MDFIC: variants seen among roughly 807,000 people sequenced by gnomAD.
The protein encoded by MDFIC is myoD family inhibitor domain-containing protein.
MDFIC carries 17 observed loss-of-function variants against 23.2 expected under a neutral mutation model. The observed-to-expected ratio is 0.73, with a 90% CI of 0.50 to 1.10. The LOEUF is 1.10. Among genes scored for constraint, MDFIC ranks in the 50% least tolerant of loss-of-function variants. The probability of loss-of-function intolerance (pLI) is 0.00; values close to 1 mark genes in which losing one functional copy is unlikely to be tolerated. For missense variants in MDFIC, 356 were observed against 316.6 expected (o/e 1.12, Z -0.95); for synonymous variants, 120 against 115.2 (o/e 1.04, Z -0.27).
chr7:114,991,269 A>G (rs981703358), intron 4 of MDFIC, among the ~76,000 whole-genome samples: 8 of 152,062 alleles, frequency 5.3e-5, no homozygotes, highest in African/African-American at 1.7e-4. Context: ...AGATGAGTAG[A>G]TTGCAAAAAT....
chr7:114,933,862 A>G (rs1661933479), intron 2 of MDFIC: 1 of 152,202 alleles, frequency 6.6e-6, no homozygotes, highest in Non-Finnish European at 1.5e-5. Context: ...GCAAAATGTG[A>G]TGAATCAGTG....
At chr7:114,953,401 C>T (rs1398791733) in intron 3 of MDFIC, among the ~76,000 whole-genome samples, 1 of 152,120 alleles carries the variant, frequency 6.6e-6, no homozygotes, top group Non-Finnish European at 1.5e-5. Context: ...TGTGTTTGGA[C>T]TAATTCAAAG....
chr7:114,994,541 C>T (rs1247896080), intron 4 of MDFIC, among the ~76,000 whole-genome samples: 5 of 152,136 alleles, frequency 3.3e-5, no homozygotes, highest in African/African-American at 1.2e-4. Flanking sequence ...TTAGGGCAGG[C>T]CTGGTGGTGA....
intron 3 of MDFIC, among the ~76,000 whole-genome samples, chr7:114,968,327 G>C (rs1793143343): frequency 6.6e-6 from 1 of 152,278 alleles, no homozygotes; most frequent in Non-Finnish European, 1.5e-5. Context: ...AAGCAAATGA[G>C]AATGAGAAAA....
At chr7:114,986,909 T>C (rs924420552) in intron 4 of MDFIC, among the ~76,000 whole-genome samples, 1 of 152,232 alleles carries the variant, frequency 6.6e-6, no homozygotes, top group Admixed American at 6.5e-5. Flanking sequence ...ATGTTTAGCC[T>C]ACAGCCTAGT....
chr7:114,970,224 G>T (rs752563890), intron 3 of MDFIC, among the ~76,000 whole-genome samples: 1 of 152,156 alleles, frequency 6.6e-6, no homozygotes, highest in Non-Finnish European at 1.5e-5. Flanking sequence ...CTGAGAAGGG[G>T]TTCAGGGAGG....
At chr7:114,941,443 G>A (rs1435031374) in intron 2 of MDFIC, among the ~76,000 whole-genome samples, 1 of 152,154 alleles carries the variant, frequency 6.6e-6, no homozygotes, top group Admixed American at 6.5e-5. Flanking sequence ...GTCTGCTTTT[G>A]GAGTTTGCCC....
In MDFIC at chr7:114,943,824, C is replaced by T. The variant is rs117344411; in HGVS notation, c.217+1427C>T. On this transcript the variant is annotated intron_variant, in intron 3 of 4. Coordinates refer to ENST00000393486, the MANE Select transcript of MDFIC (RefSeq NM_001166345.3). ...CAAAATGGTTTTCTCACTTTTTTTTCGGTGGTAACAATTTTAAGTGTGTGC... is the reference window on the plus strand; with the variant it reads ...CAAAATGGTTTTCTCACTTTTTTTTTGGTGGTAACAATTTTAAGTGTGTGC... 4.6e-5 allele frequency among the ~76,000 whole-genome samples: 7 copies of T among 151,794 alleles called. No individual in the cohort carries two copies. In the East Asian group the frequency reaches 7.7e-4, roughly 17 times the overall value.
chr7:115,016,189 C>T lies in MDFIC; in HGVS notation c.*254C>T, dbSNP rs1791791614. ...TAACTTAGGGACATTTTGACACCCC[C>T]CTTCCCAAATGTTAAATGCCTTCTC... is the stretch of plus-strand genomic sequence containing the variant. On this transcript the variant is annotated 3_prime_UTR_variant, in exon 5 of 5. Transcript: ENST00000393486. 4.9e-6 allele frequency: 2 copies of T among 405,024 alleles called. No individual in the cohort carries two copies. The highest frequency in any genetic ancestry group is 4.7e-5 in the East Asian group (1 of 21,098). 25.1% of individuals were successfully genotyped at this position (405,024 alleles called of 1,614,324 possible). A position where few individuals can be genotyped will look rare whatever the true frequency, so the allele number is the denominator to read the frequency against.
chr7:114,937,303 G>T (rs1467836972), intron 2 of MDFIC, among the ~76,000 whole-genome samples: 1 of 152,148 alleles, frequency 6.6e-6, no homozygotes, highest in Non-Finnish European at 1.5e-5. Flanking sequence ...AGGACATATT[G>T]TATTTAAATT....
rs1399817582 is a variant in MDFIC, at chr7:114,966,956, A to C, written c.218-12550A>C. Among the ~76,000 whole-genome samples, 3 of 152,206 alleles carry C rather than the reference A, an allele frequency of 2.0e-5. No homozygotes were observed. The East Asian group carries it at 5.8e-4, about 29-fold the overall frequency. On this transcript the variant is annotated intron_variant, in intron 3 of 4. Coordinates refer to ENST00000393486, the MANE Select transcript of MDFIC (RefSeq NM_001166345.3). The stretch of plus-strand genomic sequence containing the variant: ...GAAGGTGCTAATATTCAGTCATTCA[A>C]AAAGGCGTATTGGATTTTTTTTTAA...
intron 2 of MDFIC, among the ~76,000 whole-genome samples, chr7:114,931,037 ATC>A (rs1359601733): frequency 2.0e-5 from 3 of 151,650 alleles, no homozygotes; most frequent in African/African-American, 7.3e-5. Flanking sequence ...TGGATACTTG[ATC>A]TCTCTCTCTC....
chr7:114,979,768 C>G lies in MDFIC; in HGVS notation c.480C>G (p.Gly160=). 5 of 1,613,306 alleles carry G rather than the reference C, an allele frequency of 3.1e-6. No individual in the cohort carries two copies. Among genetic ancestry groups the G allele is most frequent in the Non-Finnish European group, 4.2e-6 (5 of 1,179,488 alleles). The change falls in exon 4 of 5, where the codon GGC becomes GGG. Residue 160 remains glycine (G), a synonymous_variant. Coordinates refer to ENST00000393486, the MANE Select transcript of MDFIC (RefSeq NM_001166345.3). ...ATGCTGTCTTTTCCCAAAAGACAGG[C>G]TCTTCACCTGAAGGTAAGTTTGAGA... ...KVNAVFSQKT[G]SSPEDCCVHC...
At chr7:114,951,502 G>C (rs1288992115) in intron 3 of MDFIC, among the ~76,000 whole-genome samples, 1 of 152,042 alleles carries the variant, frequency 6.6e-6, no homozygotes, top group Non-Finnish European at 1.5e-5. Context: ...ATGAAGGAAA[G>C]ATTAATATCA....
At chr7:114,927,821 G>A (rs983884992) in intron 2 of MDFIC, among the ~76,000 whole-genome samples, 10 of 152,134 alleles carry the variant, frequency 6.6e-5, no homozygotes, top group Non-Finnish European at 1.2e-4. Context: ...TCAAAAGATT[G>A]TTAGAATTAA....
intron 2 of MDFIC, among the ~76,000 whole-genome samples, chr7:114,940,291 T>G (rs1441342376): frequency 6.6e-6 from 1 of 152,200 alleles, no homozygotes; most frequent in African/African-American, 2.4e-5. Context: ...GTCTCTCTAT[T>G]TTTATGTGTT....
chr7:114,944,437 T>A (rs1157584282), intron 3 of MDFIC, among the ~76,000 whole-genome samples: 1 of 152,244 alleles, frequency 6.6e-6, no homozygotes, highest in East Asian at 1.9e-4. Context: ...CAGTCACACT[T>A]TTCTAGACAA....
intron 3 of MDFIC, among the ~76,000 whole-genome samples, chr7:114,977,948 A>C (rs1793347991): frequency 6.8e-6 from 1 of 147,944 alleles, no homozygotes; most frequent in African/African-American, 2.5e-5. Context: ...TTATATAATA[A>C]TTACATAATC....
At chr7:114,963,830 T>A (rs1369457375) in intron 3 of MDFIC, among the ~76,000 whole-genome samples, 1 of 152,184 alleles carries the variant, frequency 6.6e-6, no homozygotes, top group Non-Finnish European at 1.5e-5. Context: ...TCCTCCCGCC[T>A]TGGCCTTCCA....
Sources: allele counts gnomAD v4.1 joint callset (sites outside exome capture counted in the v4.1 genomes callset), GRCh38; gene constraint gnomAD v4.1.1; transcripts MANE v1.5; gene names NCBI Gene and HGNC (gene_info 2026-07-23, HGNC 2026-07-21).